Variants in ETFA observed in about 807,000 individuals in gnomAD.
ETFA encodes the protein electron transfer flavoprotein subunit alpha, mitochondrial.
A neutral mutation model predicts 46.2 loss-of-function variants in ETFA; 22 were observed. The observed-to-expected ratio is 0.48, with a 90% CI of 0.34 to 0.68. ETFA has a LOEUF of 0.68. Ranked by LOEUF, ETFA falls within the 30% of genes least tolerant of loss-of-function variation. The pLI, the probability that ETFA is intolerant of heterozygous loss-of-function variation, is 0.01. For missense variants in ETFA, 345 were observed against 401.1 expected (o/e 0.86, Z 1.19); for synonymous variants, 131 against 139.9 (o/e 0.94, Z 0.45).
rs1233551632 is a variant in ETFA, at chr15:76,260,264, C to T, written c.816+14148G>A. On this transcript the variant is annotated intron_variant, in intron 9 of 11. Coordinates refer to ENST00000557943, the MANE Select transcript of ETFA (RefSeq NM_000126.4). ...ACTTGGGCCTTTCTTGATTGAAGGACCGGGCTGCCCAGAAGTGAATGGCTG... is the reference window on the plus strand; with the variant it reads ...ACTTGGGCCTTTCTTGATTGAAGGATCGGGCTGCCCAGAAGTGAATGGCTG... 4 of 1,176,796 alleles carry T rather than the reference C, an allele frequency of 3.4e-6. No homozygotes were observed. In the Admixed American group the frequency reaches 6.7e-5, roughly 20 times the overall value. 72.9% of individuals were successfully genotyped at this position (1,176,796 alleles called of 1,614,324 possible). A position where few individuals can be genotyped will look rare whatever the true frequency, so the allele number is the denominator to read the frequency against.
At chr15:76,274,282 A>G (rs2039571394) in intron 9 of ETFA, 130 bp downstream of exon 9, 1 of 752,008 alleles carries the variant, frequency 1.3e-6, no homozygotes, top group Non-Finnish European at 2.4e-6. Flanking sequence ...AAAATGACAT[A>G]TTCACCATGG....
intron 9 of ETFA, among the ~76,000 whole-genome samples, chr15:76,241,318 C>G (rs1265106974): frequency 6.6e-6 from 1 of 151,690 alleles, no homozygotes; most frequent in East Asian, 1.9e-4. Flanking sequence ...CTAGGCAACA[C>G]AGCAAGACCC....
At chr15:76,256,360 A>G (rs1467807476) in intron 9 of ETFA, among the ~76,000 whole-genome samples, 1 of 152,206 alleles carries the variant, frequency 6.6e-6, no homozygotes, top group Non-Finnish European at 1.5e-5. Flanking sequence ...AAGAATGTAG[A>G]AAGCACTTCC....
chr15:76,308,461 G>A (rs926153173), intron 1 of ETFA, among the ~76,000 whole-genome samples: 8 of 152,106 alleles, frequency 5.3e-5, no homozygotes, highest in Non-Finnish European at 1.0e-4. Flanking sequence ...TATGATGCAC[G>A]GGGAACACAA....
intron 1 of ETFA, among the ~76,000 whole-genome samples, chr15:76,303,542 G>C (rs2039903386): frequency 6.6e-6 from 1 of 151,572 alleles, no homozygotes; most frequent in African/African-American, 2.4e-5. Flanking sequence ...CTACAGAATG[G>C]TAAAAAAAAA....
At chr15:76,259,143 G>C in intron 9 of ETFA, 1 of 1,499,374 alleles carries the variant, frequency 6.7e-7, no homozygotes, top group African/African-American at 1.4e-5. Context: ...GCCACCCACT[G>C]TCCCCATGCC....
At position 76,274,370 on chromosome 15, in the gene ETFA, C is replaced by G. The variant is rs149918958; in HGVS notation, c.816+42G>C. 2.2e-5 allele frequency: 31 copies of G among 1,398,852 alleles called. No homozygotes were observed. The African/African-American group carries it at 2.8e-4, about 13-fold the overall frequency. 86.7% of individuals were successfully genotyped at this position (1,398,852 alleles called of 1,614,324 possible). A position where few individuals can be genotyped will look rare whatever the true frequency, so the allele number is the denominator to read the frequency against. ...TTCAACAAATACATACAGTACTTAT[C>G]CCCATAACATTTTACACAGCATATT... is the stretch of plus-strand genomic sequence containing the variant. On this transcript the variant is annotated intron_variant, in intron 9 of 11. Transcript: ENST00000557943.
chr15:76,239,456 T>C (rs758699642), intron 9 of ETFA, among the ~76,000 whole-genome samples: 2 of 152,146 alleles, frequency 1.3e-5, no homozygotes, highest in African/African-American at 4.8e-5. Flanking sequence ...TTATTAACTA[T>C]AGTCACCATT....
chr15:76,279,821 T>C (rs1344524319), intron 8 of ETFA, among the ~76,000 whole-genome samples: 1 of 152,108 alleles, frequency 6.6e-6, no homozygotes, highest in Admixed American at 6.6e-5. Context: ...TCACTCCTTT[T>C]TGGTCTTCTT....
At chr15:76,280,292 T>C (rs909074909) in intron 8 of ETFA, among the ~76,000 whole-genome samples, 1 of 152,184 alleles carries the variant, frequency 6.6e-6, no homozygotes, top group African/African-American at 2.4e-5. Flanking sequence ...GATCTCTCCC[T>C]GGAAACTGCT....
rs2039772958 is a variant in ETFA, at chr15:76,292,357, T to A, written c.351+74A>T. The stretch of plus-strand genomic sequence containing the variant: ...CAGATTGGCTACATAAACAGTCTGT[T>A]GCATACTTTCAGCACAATGAAATCT... On this transcript the variant is annotated intron_variant, in intron 4 of 11. Transcript: ENST00000557943. 8.8e-6 allele frequency: 9 copies of A among 1,018,970 alleles called. No homozygotes were observed. The South Asian group carries it at 1.1e-4, about 13-fold the overall frequency. 63.1% of individuals were successfully genotyped at this position (1,018,970 alleles called of 1,614,324 possible).
chr15:76,308,705 C>G (rs2039960208), intron 1 of ETFA, among the ~76,000 whole-genome samples: 1 of 152,172 alleles, frequency 6.6e-6, no homozygotes, highest in African/African-American at 2.4e-5. Context: ...AGGAAAATTG[C>G]TATAAACTGT....
intron 9 of ETFA, chr15:76,261,098 A>G: frequency 6.6e-7 from 1 of 1,521,428 alleles, no homozygotes; most frequent in Non-Finnish European, 9.1e-7. Flanking sequence ...TGTGAACTTC[A>G]CAGGAAAACA....
At chr15:76,259,669 G>C (rs80039524) in intron 9 of ETFA, 30 of 932,454 alleles carry the variant, frequency 3.2e-5, no homozygotes, top group Non-Finnish European at 5.0e-5. Flanking sequence ...TAGTAGCCCC[G>C]CTGTAGATCT....
At chr15:76,277,515 AAC>A (rs1454080306) in intron 8 of ETFA, among the ~76,000 whole-genome samples, 1 of 138,786 alleles carries the variant, frequency 7.2e-6, no homozygotes, top group African/African-American at 2.8e-5. Context: ...AAAAAAAAAA[AAC>A]AAAAAACCAG....
intron 9 of ETFA, among the ~76,000 whole-genome samples, chr15:76,247,116 A>G (rs761719606): frequency 1.2e-4 from 19 of 152,200 alleles, no homozygotes; most frequent in Admixed American, 3.9e-4. Flanking sequence ...TATACATCCA[A>G]TGTTCCTCAC....
chr15:76,267,312 G>C (rs935938669), intron 9 of ETFA, among the ~76,000 whole-genome samples: 1 of 152,286 alleles, frequency 6.6e-6, no homozygotes, highest in East Asian at 1.9e-4. Flanking sequence ...TAGGACAAGC[G>C]AGGCTGCGCA....
In ETFA at chr15:76,249,435, A is replaced by ATCTT. The variant is rs35513183; in HGVS notation, c.817-18038_817-18037insAAGA. 2.8e-4 allele frequency among the ~76,000 whole-genome samples: 21 copies of ATCTT among 74,800 alleles called. 2 individuals carry two copies. Among genetic ancestry groups the ATCTT allele is most frequent in the South Asian group, 9.7e-4 (2 of 2,056 alleles). 49.1% of individuals were successfully genotyped at this position (74,800 alleles called of 152,430 possible). On this transcript the variant is annotated intron_variant, in intron 9 of 11. Transcript: ENST00000557943. The stretch of plus-strand genomic sequence containing the variant: ...GAACCACCACGCCCAGTCCATGGTA[A>ATCTT]TTTTTTTTTTTTTTTTTTTTTTTTT...
chr15:76,216,488 A>G lies in ETFA; in HGVS notation c.*71T>C, dbSNP rs888810875. 9 of 917,610 alleles carry G rather than the reference A, an allele frequency of 9.8e-6. No homozygotes were observed. The highest frequency in any genetic ancestry group is 1.6e-5 in the Non-Finnish European group (9 of 552,020). The allele number at this position is 917,610 out of a possible 1,614,324, so 56.8% of individuals were successfully genotyped here. ...TCCATGCTTTCCAATGATTGTTATAATACCCACAAATATCTGTGATTTCAG... is the reference window on the plus strand; with the variant it reads ...TCCATGCTTTCCAATGATTGTTATAGTACCCACAAATATCTGTGATTTCAG... On this transcript the variant is annotated 3_prime_UTR_variant, in exon 12 of 12. Transcript: ENST00000557943.
Sources: allele counts gnomAD v4.1 joint callset (sites outside exome capture counted in the v4.1 genomes callset), GRCh38; gene constraint gnomAD v4.1.1; transcripts MANE v1.5; gene names NCBI Gene and HGNC (gene_info 2026-07-23, HGNC 2026-07-21).